The following NIPSNAP2 variants were observed in gnomAD, a reference collection of about 807,000 sequenced individuals.
NIPSNAP2 encodes protein NipSnap homolog 2.
A neutral mutation model predicts 48.4 loss-of-function variants in NIPSNAP2; 42 were observed. The observed-to-expected ratio is 0.87, with a 90% CI of 0.68 to 1.12. The LOEUF is 1.12. NIPSNAP2 is among the 50% of genes most tolerant of loss of function. The pLI, the probability that NIPSNAP2 is intolerant of heterozygous loss-of-function variation, is 0.00. For missense variants in NIPSNAP2, 314 were observed against 347.3 expected (o/e 0.90, Z 0.76); for synonymous variants, 158 against 126.6 (o/e 1.25, Z -1.67).
intron 1 of NIPSNAP2, among the ~76,000 whole-genome samples, chr7:55,975,809 G>T (rs1016762007): frequency 6.6e-6 from 1 of 152,138 alleles, no homozygotes; most frequent in Non-Finnish European, 1.5e-5. Context: ...AGGCCGAGGT[G>T]GGCAGATCAC....
chr7:55,995,559 G>A (rs979171981), intron 8 of NIPSNAP2, among the ~76,000 whole-genome samples: 2 of 152,174 alleles, frequency 1.3e-5, no homozygotes, highest in African/African-American at 4.8e-5. Flanking sequence ...TGTGGTGCTG[G>A]TTATTACCGT....
chr7:55,999,308 A>G lies in NIPSNAP2; in HGVS notation c.*236A>G, dbSNP rs1283349881. The stretch of plus-strand genomic sequence containing the variant: ...TTTGAAACACCCCGTGTTGTCCAGT[A>G]TACCTTATAACACTGAGCCACTTCT... On this transcript the variant is annotated 3_prime_UTR_variant, in exon 10 of 10. Transcript: ENST00000322090. 9.6e-5 allele frequency: 50 copies of G among 521,530 alleles called. 2 individuals are homozygous for G. In the South Asian group the frequency reaches 1.2e-3, roughly 13 times the overall value. 32.3% of individuals were successfully genotyped at this position (521,530 alleles called of 1,614,324 possible).
At chr7:55,988,716 G>A (rs1207411432) in intron 7 of NIPSNAP2, among the ~76,000 whole-genome samples, 13 of 151,876 alleles carry the variant, frequency 8.6e-5, no homozygotes, top group East Asian at 3.9e-4. Flanking sequence ...TACCAAAAAC[G>A]TAGCCGGGCA....
At chr7:55,991,765 A>ATATATAT (rs752019855) in intron 7 of NIPSNAP2, 16 of 150,126 alleles carry the variant, frequency 1.1e-4, no homozygotes, top group African/African-American at 3.8e-4. Context: ...AAAAAAAAAA[A>ATATATAT]ATATATATAT....
intron 9 of NIPSNAP2, among the ~76,000 whole-genome samples, chr7:55,998,753 C>T (rs1159157998): frequency 1.3e-5 from 2 of 152,078 alleles, no homozygotes; most frequent in African/African-American, 4.8e-5. Flanking sequence ...CCTGCCTCAG[C>T]CTCCCAAAGT....
chr7:55,967,941 C>T (rs1294751699), intron 1 of NIPSNAP2, among the ~76,000 whole-genome samples: 1 of 151,808 alleles, frequency 6.6e-6, no homozygotes, highest in East Asian at 1.9e-4. Context: ...TGAATCACCA[C>T]ACCCGGCTGC....
intron 7 of NIPSNAP2, among the ~76,000 whole-genome samples, chr7:55,994,045 G>A (rs1425031446): frequency 6.6e-6 from 1 of 152,160 alleles, no homozygotes; most frequent in African/African-American, 2.4e-5. Context: ...CCCTTGTGTA[G>A]TTCAGAGAGC....
chr7:55,980,470 A>G (rs1787190890), intron 3 of NIPSNAP2: 1 of 152,272 alleles, frequency 6.6e-6, no homozygotes, highest in Non-Finnish European at 1.5e-5. Context: ...GAGTCAGCAA[A>G]TAGTGTGAAC....
chr7:55,970,148 C>T (rs1786990874), intron 1 of NIPSNAP2, among the ~76,000 whole-genome samples: 1 of 152,124 alleles, frequency 6.6e-6, no homozygotes, highest in East Asian at 1.9e-4. Context: ...TTCATCCCCA[C>T]TGCCATCTTA....
chr7:55,984,837 C>G lies in NIPSNAP2; in HGVS notation c.586-10C>G. The G allele has an allele frequency of 6.2e-7, 1 of 1,600,802 alleles. No homozygotes were observed. The highest frequency in any genetic ancestry group is 8.5e-7 in the Non-Finnish European group (1 of 1,173,934). On this transcript the variant is annotated splice_polypyrimidine_tract_variant and intron_variant, in intron 6 of 9. Coordinates refer to ENST00000322090, the MANE Select transcript of NIPSNAP2 (RefSeq NM_001483.3). Reference sequence around the variant, plus strand: ...AAGAACTAACAAACCAAATCTAAATCTGTTTTCAGCCAGGAACCATGATTG... The same window carrying G: ...AAGAACTAACAAACCAAATCTAAATGTGTTTTCAGCCAGGAACCATGATTG...
At chr7:55,986,072 T>A (rs1380000619) in intron 7 of NIPSNAP2, among the ~76,000 whole-genome samples, 3 of 151,404 alleles carry the variant, frequency 2.0e-5, no homozygotes, top group African/African-American at 7.3e-5. Flanking sequence ...AAAATAAAAA[T>A]AAAGACTGGG....
chr7:55,994,217 CTG>C (rs1293241947), intron 7 of NIPSNAP2, among the ~76,000 whole-genome samples: 1 of 152,210 alleles, frequency 6.6e-6, no homozygotes, highest in East Asian at 1.9e-4. Context: ...CGCTTCCCCT[CTG>C]AGGGTGTTCT....
chr7:55,977,461 T>A (rs1787127613), intron 1 of NIPSNAP2, among the ~76,000 whole-genome samples: 1 of 152,170 alleles, frequency 6.6e-6, no homozygotes, highest in Non-Finnish European at 1.5e-5. Flanking sequence ...ATGTATTTCA[T>A]TTTCCTTGTA....
intron 7 of NIPSNAP2, among the ~76,000 whole-genome samples, chr7:55,991,359 T>C (rs1478251810): frequency 1.3e-5 from 2 of 152,202 alleles, no homozygotes; most frequent in Non-Finnish European, 2.9e-5. Flanking sequence ...ACTCACGGAA[T>C]AGGATTACTC....
chr7:55,969,283 AGCT>A (rs1203876798), intron 1 of NIPSNAP2, among the ~76,000 whole-genome samples: 1 of 151,876 alleles, frequency 6.6e-6, no homozygotes, highest in Non-Finnish European at 1.5e-5. Context: ...GGAGTCAGGG[AGCT>A]GCTGCTTTAA....
At chr7:55,996,732 T>G (rs1444283922) in intron 8 of NIPSNAP2, among the ~76,000 whole-genome samples, 1 of 152,128 alleles carries the variant, frequency 6.6e-6, no homozygotes, top group Non-Finnish European at 1.5e-5. Flanking sequence ...TTGTAAAGCT[T>G]AAGAGGGAAT....
chr7:55,971,891 A>G (rs1317344740), intron 1 of NIPSNAP2, among the ~76,000 whole-genome samples: 1 of 152,098 alleles, frequency 6.6e-6, no homozygotes, highest in Non-Finnish European at 1.5e-5. Flanking sequence ...GTATTTTTAG[A>G]CACTTTTTAT....
At chr7:55,966,450 A>G (rs1023058710) in intron 1 of NIPSNAP2, among the ~76,000 whole-genome samples, 1 of 152,060 alleles carries the variant, frequency 6.6e-6, no homozygotes, top group Non-Finnish European at 1.5e-5. Context: ...CTAATAATAA[A>G]TAAGTACATA....
intron 5 of NIPSNAP2, 129 bp from the exon 6 acceptor site, chr7:55,983,599 G>T: frequency 1.3e-6 from 1 of 756,172 alleles, no homozygotes; most frequent in Non-Finnish European, 2.1e-6. Flanking sequence ...TGTAAACTGG[G>T]ACTGTCTCAG....
Sources: gnomAD v4.1 joint callset for allele counts (sites outside exome capture counted in the v4.1 genomes callset) on GRCh38, gnomAD v4.1.1 for gene constraint, MANE v1.5 for transcripts, NCBI Gene and HGNC (gene_info 2026-07-23, HGNC 2026-07-21) for gene names.